The following SCARA3 variants were observed in gnomAD, a reference collection of about 807,000 sequenced individuals.
SCARA3 encodes the protein scavenger receptor class A member 3.
A neutral mutation model predicts 47.0 loss-of-function variants in SCARA3; 39 were observed. The ratio of observed to expected loss-of-function variants is 0.83; its 90% CI spans 0.64 to 1.08. The LOEUF (loss-of-function observed/expected upper bound fraction) is 1.08, where lower values mean the gene tolerates loss of function less well. Among genes scored for constraint, SCARA3 ranks in the 50% least tolerant of loss-of-function variants. SCARA3 has a pLI of 0.00. For synonymous variants in SCARA3, 356 were observed against 334.1 expected, an observed-to-expected ratio of 1.07 and a Z score of -0.71; for missense variants, 724 against 792.3, an observed-to-expected ratio of 0.91 and a Z score of 1.04.
chr8:27,638,919 C>G (rs1462231175), intron 1 of SCARA3, among the ~76,000 whole-genome samples: 13 of 152,208 alleles, frequency 8.5e-5, no homozygotes, highest in Admixed American at 8.5e-4. Context: ...CAGCCACAGA[C>G]AGGCTCCTGG....
chr8:27,680,628 A>G (rs1802342399), downstream of SCARA3, among the ~76,000 whole-genome samples: 1 of 152,192 alleles, frequency 6.6e-6, no homozygotes, highest in Non-Finnish European at 1.5e-5. Flanking sequence ...TAAGAAATAC[A>G]TAATGCCAAC....
the SCARA3 span, among the ~76,000 whole-genome samples, chr8:27,698,168 A>G: frequency 2.0e-5 from 3 of 152,254 alleles, no homozygotes; most frequent in Non-Finnish European, 4.4e-5. Flanking sequence ...AAAAATTGCT[A>G]AAGGGTATTC....
rs1181177683 is a variant in SCARA3, at chr8:27,658,486, T to C, written c.326-10T>C. 6.3e-7 allele frequency: 1 copy of C among 1,584,646 alleles called. No individual in the cohort carries two copies. The highest frequency in any genetic ancestry group is 8.6e-7 in the Non-Finnish European group (1 of 1,167,802). On this transcript the variant is annotated splice_polypyrimidine_tract_variant and intron_variant, in intron 4 of 5. Transcript: ENST00000301904. ...TCAGCAACTCAAACTGTTATCCCTT[T>C]CCCCTAAAGATCCGAAAGCCCTGAA...
chr8:27,720,321 A>G, the SCARA3 span, among the ~76,000 whole-genome samples: 1 of 150,588 alleles, frequency 6.6e-6, no homozygotes, highest in African/African-American at 2.4e-5. Flanking sequence ...CTCTGGCAGG[A>G]GTCTTTCTTT....
At chr8:27,723,727 G>A in the SCARA3 span, among the ~76,000 whole-genome samples, 1 of 152,106 alleles carries the variant, frequency 6.6e-6, no homozygotes, top group African/African-American at 2.4e-5. Context: ...GTATCAAAAA[G>A]TGCAGTTCTT....
the SCARA3 span, chr8:27,697,265 C>T: frequency 3.2e-5 from 7 of 220,992 alleles, no homozygotes; most frequent in Admixed American, 1.2e-4. Context: ...ATGATGACAT[C>T]GTTCTCCAAT....
chr8:27,719,761 G>A, the SCARA3 span, among the ~76,000 whole-genome samples: 1 of 152,152 alleles, frequency 6.6e-6, no homozygotes. Flanking sequence ...AGAAGCAGAT[G>A]TAGTAATTGG....
At chr8:27,635,281 C>T (rs927081631) in intron 1 of SCARA3, among the ~76,000 whole-genome samples, 1 of 152,066 alleles carries the variant, frequency 6.6e-6, no homozygotes. Context: ...AAGGGCTCCA[C>T]CGACAAACTT....
chr8:27,640,173 G>T (rs4732735), intron 1 of SCARA3, among the ~76,000 whole-genome samples: 19,948 of 152,142 alleles, frequency 0.13, 1,429 homozygotes, highest in East Asian at 0.29. Context: ...TCTGCATTAC[G>T]AGCAGCTGCA....
Position 27,670,976 on chromosome 8 carries a change from GA to G in SCARA3, c.1449del (p.Gly484GlufsTer60), listed in dbSNP as rs1207473130. 6.2e-7 allele frequency: 1 copy of G among 1,606,792 alleles called. No homozygotes were observed. Among genetic ancestry groups the G allele is most frequent in the South Asian group, 1.1e-5 (1 of 90,252 alleles). ...AAGGGCCTGTTGGCGGCAGAGGCCC[GA>G]AAGGAGACCCCGGCAGCTTGGGCCC... ...VKGPVGGRGP[K>X]GDPGSLGPLG... On this transcript the variant is annotated frameshift_variant, in exon 6 of 6. Transcript: ENST00000301904. LOFTEE classifies it high-confidence loss of function.
intron 5 of SCARA3, among the ~76,000 whole-genome samples, chr8:27,670,014 A>G (rs1400435852): frequency 6.6e-6 from 1 of 152,064 alleles, no homozygotes; most frequent in African/African-American, 2.4e-5. Flanking sequence ...CCACATAGCC[A>G]GAAGGACATG....
the SCARA3 span, among the ~76,000 whole-genome samples, chr8:27,709,107 A>G: frequency 6.6e-6 from 1 of 152,202 alleles, no homozygotes; most frequent in Non-Finnish European, 1.5e-5. Flanking sequence ...CACCTGAAGG[A>G]GCATTTCTCA....
chr8:27,663,365 C>T (rs1400704004), intron 5 of SCARA3, among the ~76,000 whole-genome samples: 3 of 152,212 alleles, frequency 2.0e-5, no homozygotes, highest in Non-Finnish European at 4.4e-5. Context: ...CATGAGGCCA[C>T]AGGTGCAGGC....
the SCARA3 span, among the ~76,000 whole-genome samples, chr8:27,720,234 G>GGATGTGTGTATGGGGGGAGGGGGTTAGT: frequency 0.033 from 5,034 of 152,112 alleles, 268 homozygotes; most frequent in East Asian, 0.2. Context: ...GAGCAAGTCT[G>GGATGTGTGTATGGGGGGAGGGGGTTAGT]AGTGGCGAGG....
At chr8:27,699,951 T>G in the SCARA3 span, among the ~76,000 whole-genome samples, 36 of 152,316 alleles carry the variant, frequency 2.4e-4, no homozygotes, top group African/African-American at 7.0e-4. Flanking sequence ...GATTTCAAAG[T>G]CTTTTCAACA....
rs183712233 is a variant in SCARA3, at chr8:27,671,681, C to T, written c.*330C>T. ...ACGCACACACACATGCACACATACACGTGCACACATACACAGGCACACATG... is the reference window on the plus strand; with the variant it reads ...ACGCACACACACATGCACACATACATGTGCACACATACACAGGCACACATG... On this transcript the variant is annotated 3_prime_UTR_variant, in exon 6 of 6. Coordinates refer to ENST00000301904, the MANE Select transcript of SCARA3 (RefSeq NM_016240.3). 2.5e-4 allele frequency: 271 copies of T among 1,079,326 alleles called. No individual in the cohort carries two copies. Among genetic ancestry groups the T allele is most frequent in the Middle Eastern group, 2.4e-3 (6 of 2,514 alleles). The allele number at this position is 1,079,326 out of a possible 1,614,324, so 66.9% of individuals were successfully genotyped here.
At chr8:27,653,988 TA>T (rs1370813133) in intron 3 of SCARA3, among the ~76,000 whole-genome samples, 1 of 152,218 alleles carries the variant, frequency 6.6e-6, no homozygotes, top group East Asian at 1.9e-4. Context: ...GCAACTCCTG[TA>T]AATCAGGCAT....
the SCARA3 span, among the ~76,000 whole-genome samples, chr8:27,695,916 T>C: frequency 1.3e-5 from 2 of 152,052 alleles, no homozygotes; most frequent in Admixed American, 6.5e-5. Context: ...ACACATGAAA[T>C]TGGACACTCA....
In SCARA3 at chr8:27,663,239, G is replaced by A. The variant is rs78998503; in HGVS notation, c.1369+3700G>A. On this transcript the variant is annotated intron_variant, in intron 5 of 5. Coordinates refer to ENST00000301904, the MANE Select transcript of SCARA3 (RefSeq NM_016240.3). ...CTGTCCTTCAGGGACGTCTCAGGAA[G>A]GGGCTGCAGGACTGCAGTTGCCCAC... Among the ~76,000 whole-genome samples the A allele has an allele frequency of 8.4e-3, 1,282 of 152,348 alleles. 11 individuals carry two copies. The highest frequency in any genetic ancestry group is 0.014 in the Non-Finnish European group (948 of 68,034).
Sources: allele counts gnomAD v4.1 joint callset (sites outside exome capture counted in the v4.1 genomes callset), GRCh38; gene constraint gnomAD v4.1.1; transcripts MANE v1.5; gene names NCBI Gene and HGNC (gene_info 2026-07-23, HGNC 2026-07-21).